Variants in ATP8B4 observed in about 807,000 individuals in gnomAD.
ATP8B4 encodes ATPase phospholipid transporting 8B4 (putative), also known as probable phospholipid-transporting ATPase IM.
In ATP8B4, 133 loss-of-function variants were observed where a neutral mutation model predicts 145.6. The observed-to-expected ratio is 0.91, with a 90% CI of 0.79 to 1.05. ATP8B4 has a LOEUF of 1.05. ATP8B4 is among the 50% of genes least tolerant of loss of function. ATP8B4 has a pLI of 0.00. For missense variants in ATP8B4, 1,458 were observed against 1,425.2 expected (o/e 1.02, Z -0.37); for synonymous variants, 507 against 492.9 (o/e 1.03, Z -0.38).
chr15:50,046,442 A>C (rs1270833939), intron 4 of ATP8B4, among the ~76,000 whole-genome samples: 1 of 152,232 alleles, frequency 6.6e-6, no homozygotes, highest in Non-Finnish European at 1.5e-5. Flanking sequence ...AAGAGAAGCC[A>C]CATCCTGATG....
At chr15:49,904,793 A>G (rs2038421044) in intron 20 of ATP8B4, among the ~76,000 whole-genome samples, 1 of 152,250 alleles carries the variant, frequency 6.6e-6, no homozygotes, top group Non-Finnish European at 1.5e-5. Context: ...TTCAAAAAAT[A>G]CTGATGCATA....
At chr15:50,068,295 G>A (rs188663827) in intron 3 of ATP8B4, among the ~76,000 whole-genome samples, 87 of 152,264 alleles carry the variant, frequency 5.7e-4, no homozygotes, top group African/African-American at 2.0e-3. Flanking sequence ...GACTGCTGGG[G>A]GTTGGAGGTA....
chr15:50,019,299 A>G (rs1255189226), intron 6 of ATP8B4, among the ~76,000 whole-genome samples: 1 of 152,200 alleles, frequency 6.6e-6, no homozygotes, highest in Admixed American at 6.5e-5. Context: ...AGAACCAACC[A>G]GCCTTCAGGC....
chr15:49,916,883 C>T (rs747742180), intron 20 of ATP8B4, 51 bp downstream of exon 20: 2 of 1,478,738 alleles, frequency 1.4e-6, no homozygotes, highest in South Asian at 2.4e-5. Context: ...GATCTTTTTT[C>T]CCTCCCTCCC....
intron 16 of ATP8B4, among the ~76,000 whole-genome samples, chr15:49,927,458 AC>A (rs1227717393): frequency 1.3e-5 from 2 of 152,088 alleles, no homozygotes; most frequent in African/African-American, 2.4e-5. Flanking sequence ...TCATGCAAAG[AC>A]TTTTCTGCCC....
chr15:49,950,607 C>A (rs2413985), intron 14 of ATP8B4, among the ~76,000 whole-genome samples: 36,551 of 94,378 alleles, frequency 0.39, 5,908 homozygotes, highest in African/African-American at 0.45. Context: ...AAAAAACAAA[C>A]AAACAAACAA....
intron 3 of ATP8B4, among the ~76,000 whole-genome samples, chr15:50,072,921 C>CCTCTCTCTCT (rs1207432427): frequency 3.7e-5 from 1 of 27,292 alleles, no homozygotes; most frequent in Non-Finnish European, 6.8e-5. Context: ...CTGTGCCCGG[C>CCTCTCTCTCT]CTCTCTCTCT....
chr15:50,084,979 G>C (rs1473751313), intron 2 of ATP8B4, among the ~76,000 whole-genome samples: 2 of 152,182 alleles, frequency 1.3e-5, no homozygotes, highest in African/African-American at 2.4e-5. Flanking sequence ...TGTATTCACA[G>C]GTTCTGGGAC....
intron 14 of ATP8B4, among the ~76,000 whole-genome samples, chr15:49,951,795 C>T (rs1269654688): frequency 2.0e-5 from 3 of 152,120 alleles, no homozygotes; most frequent in African/African-American, 7.2e-5. Flanking sequence ...TGTCATTGGT[C>T]TTTATAATTT....
In ATP8B4 at chr15:49,920,311, C is replaced by A; in HGVS notation, c.1858G>T (p.Ala620Ser). The change falls in exon 18 of 28, where the codon GCT (alanine) becomes TCT (serine). Residue 620 changes from alanine to serine, a missense_variant. Ala to Ser is a moderately conservative substitution (Grantham distance 99, BLOSUM62 1). Transcript: ENST00000284509. ...EWHKMLEDAN[A>S]ATEERDERIA... ...CGTTCATCCCTCTCTTCTGTGGCAG[C>A]ATTCGCATCTTCAAGCATCTTATGC... 1 of 1,614,196 alleles carries A rather than the reference C, an allele frequency of 6.2e-7. No homozygotes were observed. The highest frequency in any genetic ancestry group is 2.2e-5 in the East Asian group (1 of 44,890).
intron 1 of ATP8B4, among the ~76,000 whole-genome samples, chr15:50,144,106 G>T (rs980329298): frequency 1.3e-5 from 2 of 152,140 alleles, no homozygotes; most frequent in Non-Finnish European, 2.9e-5. Flanking sequence ...ACTAGGTCAG[G>T]GTTGTGCCTT....
At chr15:50,148,819 G>A (rs754302554) in intron 1 of ATP8B4, among the ~76,000 whole-genome samples, 9 of 151,954 alleles carry the variant, frequency 5.9e-5, no homozygotes, top group African/African-American at 1.2e-4. Flanking sequence ...AAATTGTATC[G>A]ACTTCAAGTT....
chr15:50,002,101 AC>A, intron 8 of ATP8B4, 51 bp downstream of exon 8: 3 of 1,405,172 alleles, frequency 2.1e-6, no homozygotes, highest in Non-Finnish European at 2.0e-6. Context: ...TAAAGACATT[AC>A]TTTTAAATAA....
chr15:50,137,882 T>A (rs557026564), intron 1 of ATP8B4, among the ~76,000 whole-genome samples: 80 of 152,302 alleles, frequency 5.3e-4, no homozygotes, highest in African/African-American at 1.8e-3. Flanking sequence ...TAAGGATGTT[T>A]TCACTGTACC....
chr15:50,090,358 C>T (rs1285574020), intron 2 of ATP8B4, among the ~76,000 whole-genome samples: 1 of 152,142 alleles, frequency 6.6e-6, no homozygotes, highest in Non-Finnish European at 1.5e-5. Context: ...TATCCCAGAA[C>T]TTAAATAAAA....
intron 8 of ATP8B4, among the ~76,000 whole-genome samples, chr15:50,000,816 C>T (rs2047827053): frequency 6.6e-6 from 1 of 151,986 alleles, no homozygotes; most frequent in Non-Finnish European, 1.5e-5. Context: ...TATTTTTTTC[C>T]TCAAAGCTTT....
At chr15:49,929,103 G>A (rs979250844) in intron 16 of ATP8B4, among the ~76,000 whole-genome samples, 4 of 152,070 alleles carry the variant, frequency 2.6e-5, no homozygotes, top group African/African-American at 9.7e-5. Context: ...GGGAGGTAAA[G>A]TTTGAGAACC....
chr15:49,984,522 G>A (rs2046420402), intron 10 of ATP8B4, among the ~76,000 whole-genome samples: 1 of 152,162 alleles, frequency 6.6e-6, no homozygotes, highest in Non-Finnish European at 1.5e-5. Context: ...ATGGCTACTG[G>A]ACCCTAAGGG....
chr15:50,069,247 T>C (rs1326188543), intron 3 of ATP8B4, among the ~76,000 whole-genome samples: 1 of 152,360 alleles, frequency 6.6e-6, no homozygotes, highest in African/African-American at 2.4e-5. Flanking sequence ...ATATCATGTC[T>C]AATTTACAAA....
Sources: gnomAD v4.1 joint callset for allele counts (sites outside exome capture counted in the v4.1 genomes callset) on GRCh38, gnomAD v4.1.1 for gene constraint, MANE v1.5 for transcripts, NCBI Gene and HGNC (gene_info 2026-07-23, HGNC 2026-07-21) for gene names.